Variants in COL18A1 observed in about 807,000 individuals in gnomAD.
The protein encoded by COL18A1 is collagen alpha-1(XVIII) chain.
COL18A1 carries 133 observed loss-of-function variants against 168.0 expected under a neutral mutation model. That is an observed-to-expected ratio of 0.79 (90% confidence interval 0.69 to 0.91). COL18A1 has a LOEUF of 0.91. Among genes scored for constraint, COL18A1 ranks in the 40% least tolerant of loss-of-function variants. The pLI is 0.00. For missense variants in COL18A1, 2,126 were observed against 1,925.4 expected, an observed-to-expected ratio of 1.10 and a Z score of -1.95; for synonymous variants, 949 against 809.0, an observed-to-expected ratio of 1.17 and a Z score of -2.94.
chr21:45,446,382 T>C (rs2034506382), intron 2 of COL18A1, among the ~76,000 whole-genome samples: 1 of 152,198 alleles, frequency 6.6e-6, no homozygotes, highest in Admixed American at 6.5e-5. Context: ...TCTAATCCAA[T>C]ACTATGAACA....
chr21:45,479,434 A>G (rs1383720010), intron 9 of COL18A1, among the ~76,000 whole-genome samples: 7 of 151,752 alleles, frequency 4.6e-5, no homozygotes, highest in Admixed American at 3.3e-4. Flanking sequence ...GGACACATGC[A>G]CACACACCAC....
At chr21:45,451,592 G>A (rs2034623595) in intron 2 of COL18A1, among the ~76,000 whole-genome samples, 1 of 152,220 alleles carries the variant, frequency 6.6e-6, no homozygotes, top group South Asian at 2.1e-4. Flanking sequence ...GGAGTTTGTG[G>A]TTAACGTTGC....
intron 32 of COL18A1, 83 bp from the exon 33 acceptor site, chr21:45,503,928 C>T: frequency 6.6e-7 from 1 of 1,513,054 alleles, no homozygotes; most frequent in Middle Eastern, 1.7e-4. Flanking sequence ...CTCAGGCAAA[C>T]CCACCAGTGC....
chr21:45,456,620 G>A (rs752027837), intron 2 of COL18A1: 44 of 1,539,434 alleles, frequency 2.9e-5, no homozygotes, highest in South Asian at 6.0e-5. Flanking sequence ...CGAGAGCGGC[G>A]AGCAGGTGCG....
chr21:45,448,260 C>T (rs2034544435), intron 2 of COL18A1, among the ~76,000 whole-genome samples: 1 of 149,878 alleles, frequency 6.7e-6, no homozygotes, highest in African/African-American at 2.5e-5. Flanking sequence ...TTCCCAGGCA[C>T]TCCCTTTCTC....
intron 33 of COL18A1, 81 bp downstream of exon 33, chr21:45,504,135 A>T (rs2037037770): frequency 1.1e-5 from 16 of 1,499,604 alleles, no homozygotes; most frequent in Non-Finnish European, 1.4e-5. Flanking sequence ...TTCTCGCCCC[A>T]TCCGGCCCAA....
chr21:45,493,890 A>C (rs1010601344), intron 26 of COL18A1: 2 of 412,728 alleles, frequency 4.8e-6, no homozygotes, highest in African/African-American at 2.0e-5. Context: ...GCAGGAGCCC[A>C]GGCTGTACCA....
intron 2 of COL18A1, among the ~76,000 whole-genome samples, chr21:45,438,264 ACACT>A (rs1304611239): frequency 8.5e-6 from 1 of 117,890 alleles, no homozygotes; most frequent in Non-Finnish European, 1.7e-5. Context: ...ACACACACTC[ACACT>A]CAGACACACA....
intron 2 of COL18A1, among the ~76,000 whole-genome samples, chr21:45,417,393 G>C (rs1284052260): frequency 2.0e-5 from 3 of 152,206 alleles, no homozygotes; most frequent in African/African-American, 7.2e-5. Context: ...GAACGTGCCT[G>C]CCTGCTGTGC....
Position 45,504,463 on chromosome 21 carries a change from G to C in COL18A1, c.2775G>C (p.Gly925=), listed in dbSNP as rs775685523. The change falls in exon 34 of 42, where the codon GGG becomes GGC. Residue 925 remains glycine, a synonymous_variant. Transcript: ENST00000651438. ...RGDAGQKGER[G]EPGGGGFFGS... ...ATGCAGGACAGAAAGGCGAAAGGGG[G>C]GAGCCCGGGGGCGGCGGTTTCTTCG... 2.5e-6 allele frequency: 4 copies of C among 1,610,698 alleles called. No individual in the cohort carries two copies. The South Asian group carries it at 4.4e-5, about 18-fold the overall frequency.
At position 45,484,371 on chromosome 21, in the gene COL18A1, C is replaced by T. The variant is rs570714485; in HGVS notation, c.1701+1550C>T. Among the ~76,000 whole-genome samples the T allele has an allele frequency of 6.9e-5, 7 of 100,960 alleles. No individual in the cohort carries two copies. In the East Asian group the frequency reaches 1.4e-3, roughly 20 times the overall value. The allele number at this position is 100,960 out of a possible 152,430, so 66.2% of individuals were successfully genotyped here. On this transcript the variant is annotated intron_variant, in intron 15 of 41. Transcript: ENST00000651438. ...CAGCATATGTGCGCACACACATACA[C>T]GCACACACACATCTCCAGCATGTGT... is the stretch of plus-strand genomic sequence containing the variant.
Position 45,487,470 on chromosome 21 carries a change from G to T in COL18A1, c.1857G>T (p.Gly619=). ...AGGATGACATGGAAGGCTCCGGGGG[G>T]CCCTTCTGGTCAACAGCCCGAAGCG... ...AGFDDMEGSG[G]PFWSTARSAD... The change falls in exon 17 of 42, where the codon GGG becomes GGT. Residue 619 remains glycine (G), a synonymous_variant. Coordinates refer to ENST00000651438, the MANE Select transcript of COL18A1 (RefSeq NM_001379500.1). The T allele has an allele frequency of 6.2e-7, 1 of 1,613,096 alleles. No individual in the cohort carries two copies.
chr21:45,495,864 C>T lies in COL18A1; in HGVS notation c.2508+432C>T, dbSNP rs150690081. On this transcript the variant is annotated intron_variant, in intron 29 of 41. Transcript: ENST00000651438. Reference sequence around the variant, plus strand: ...ATATACATACACTCATACATGTGCACGTATCCACATGTGTATCCACATACA... The same window carrying T: ...ATATACATACACTCATACATGTGCATGTATCCACATGTGTATCCACATACA... 134 of 317,936 alleles carry T rather than the reference C, an allele frequency of 4.2e-4. 1 individual carries two copies. Among genetic ancestry groups the T allele is most frequent in the African/African-American group, 2.4e-3 (111 of 46,562 alleles). The allele number at this position is 317,936 out of a possible 1,614,324, so 19.7% of individuals were successfully genotyped here.
Position 45,491,117 on chromosome 21 carries a change from T to C in COL18A1, c.2068-108T>C, listed in dbSNP as rs1325443850. The C allele has an allele frequency of 1.5e-5, 16 of 1,046,872 alleles. 1 individual carries two copies. Among genetic ancestry groups the C allele is most frequent in the Non-Finnish European group, 2.4e-5 (16 of 673,210 alleles). The allele number at this position is 1,046,872 out of a possible 1,614,324, so 64.8% of individuals were successfully genotyped here. ...GCCACAGTCCACAGCCCCGGGCGCC[T>C]CCTCACCCACCGTGGGCTCTGGGCA... On this transcript the variant is annotated intron_variant, in intron 21 of 41. Transcript: ENST00000651438.
At position 45,471,953 on chromosome 21, in the gene COL18A1, G is replaced by A. The variant is rs1467590741; in HGVS notation, c.652-1942G>A. 4.6e-5 allele frequency among the ~76,000 whole-genome samples: 7 copies of A among 152,268 alleles called. No homozygotes were observed. The East Asian group carries it at 7.7e-4, about 17-fold the overall frequency. ...CTCCTGCCCCACCCCCGGAGCCAGC[G>A]GCCACCACGGGCTCAGAGCTTCTCT... On this transcript the variant is annotated intron_variant, in intron 3 of 41. Transcript: ENST00000651438. The surrounding 1 kb of genome is among the most constrained non-coding windows in gnomAD (Gnocchi z 4.4).
At chr21:45,439,524 G>T (rs184045088) in intron 2 of COL18A1, among the ~76,000 whole-genome samples, 2 of 152,394 alleles carry the variant, frequency 1.3e-5, no homozygotes, top group East Asian at 3.9e-4. Flanking sequence ...AGTTGCCATT[G>T]GGACTTCGGT....
intron 2 of COL18A1, chr21:45,421,483 G>A (rs2838920): frequency 0.13 from 70,794 of 534,456 alleles, 5,777 homozygotes; most frequent in African/African-American, 0.28. Flanking sequence ...GCAGGACACC[G>A]CGTTTCTGGC....
chr21:45,505,632 C>A (rs2037154138), intron 36 of COL18A1, among the ~76,000 whole-genome samples: 1 of 152,176 alleles, frequency 6.6e-6, no homozygotes, highest in African/African-American at 2.4e-5. Flanking sequence ...CGGGAAGTGC[C>A]CAGGGCCTGT....
At position 45,496,506 on chromosome 21, in the gene COL18A1, C is replaced by T. The variant is rs1568928920; in HGVS notation, c.2515C>T (p.Pro839Ser). 5 of 1,443,230 alleles carry T rather than the reference C, an allele frequency of 3.5e-6. No individual in the cohort carries two copies. The South Asian group carries it at 4.6e-5, about 13-fold the overall frequency. 89.4% of individuals were successfully genotyped at this position (1,443,230 alleles called of 1,614,324 possible). The change falls in exon 30 of 42, where the codon CCC becomes TCC. Residue 839 changes from proline (P) to serine (S), a missense_variant. Coordinates refer to ENST00000651438, the MANE Select transcript of COL18A1 (RefSeq NM_001379500.1). ...CTCTCTGCCCTCCCCACAGGGAATG[C>T]CCGGCCCCCCAGGACCTCCAGGGCC... ...ASLGFGMRGM[P>S]GPPGPPGPPG...
Sources: gnomAD v4.1 joint callset for allele counts (sites outside exome capture counted in the v4.1 genomes callset) on GRCh38, gnomAD v4.1.1 for gene constraint, Gnocchi (gnomAD v3.1) non-coding constraint, MANE v1.5 for transcripts, NCBI Gene and HGNC (gene_info 2026-07-23, HGNC 2026-07-21) for gene names.